IL21: variants seen among roughly 807,000 people sequenced by gnomAD.
IL21 encodes interleukin 21, also known as interleukin-21.
IL21 carries 3 observed loss-of-function variants against 18.4 expected under a neutral mutation model. The observed-to-expected ratio is 0.16, with a 90% CI of 0.07 to 0.42. The LOEUF (loss-of-function observed/expected upper bound fraction) is 0.42. IL21 is among the 10% of genes least tolerant of loss of function. The pLI is 0.99. For synonymous variants in IL21, 37 were observed against 62.0 expected, an observed-to-expected ratio of 0.60 and a Z score of 1.90; for missense variants, 130 against 188.4, an observed-to-expected ratio of 0.69 and a Z score of 1.81.
At chr4:122,620,654 A>G in intron 2 of IL21, 47 bp downstream of exon 2, 1 of 1,530,650 alleles carries the variant, frequency 6.5e-7, no homozygotes, top group Non-Finnish European at 9.0e-7. Flanking sequence ...TTGGATTTAA[A>G]AACTTATGTC....
At position 122,615,715 on chromosome 4, in the gene IL21, G is replaced by A. The variant is rs1174882495; in HGVS notation, c.327C>T (p.Ser109=). 1.9e-6 allele frequency: 3 copies of A among 1,613,216 alleles called. No individual in the cohort carries two copies. Among genetic ancestry groups the A allele is most frequent in the African/African-American group, 1.3e-5 (1 of 74,854 alleles). ...SIKKLKRKPP[S]TNAGRRQKHR... ...GTTTCTGTCTTCTCCCTGCATTTGT[G>A]GAAGGTGGTTTCCTCTTCAGCTTTT... Residue 109 remains serine, a synonymous_variant, in exon 3 of 5, where the codon TCC becomes TCT. Coordinates refer to ENST00000648588, the MANE Select transcript of IL21 (RefSeq NM_021803.4).
At chr4:122,616,505 C>G (rs1384827528) in intron 2 of IL21, among the ~76,000 whole-genome samples, 2 of 152,148 alleles carry the variant, frequency 1.3e-5, no homozygotes, top group East Asian at 3.9e-4. Context: ...CCTTTTCATA[C>G]TCCCAGCTCA....
Position 122,612,690 on chromosome 4 carries a change from T to G in IL21, c.*20A>C. On this transcript the variant is annotated 3_prime_UTR_variant, in exon 5 of 5. Coordinates refer to ENST00000648588, the MANE Select transcript of IL21 (RefSeq NM_021803.4). ...CTATATTAGAGTATGTAACATAGTG[T>G]CCAACTGCAAGTTAGATCCTCAGGA... 1 of 1,529,342 alleles carries G rather than the reference T, an allele frequency of 6.5e-7. No homozygotes were observed. Among genetic ancestry groups the G allele is most frequent in the South Asian group, 1.1e-5 (1 of 89,324 alleles). 94.7% of individuals were successfully genotyped at this position (1,529,342 alleles called of 1,614,324 possible).
chr4:122,619,774 A>G (rs1799397371), intron 2 of IL21, among the ~76,000 whole-genome samples: 1 of 152,240 alleles, frequency 6.6e-6, no homozygotes. Flanking sequence ...GAGAAAAGCA[A>G]TAGTTGTGAC....
rs548224974 is a variant in IL21, at chr4:122,614,099, T to A, written c.361-1171A>T. The stretch of plus-strand genomic sequence containing the variant: ...GCATTTCACTAAAAGATAGTAGATA[T>A]ACGTTCTAATTCTCATTCTGACACT... On this transcript the variant is annotated intron_variant, in intron 3 of 4. Coordinates refer to ENST00000648588, the MANE Select transcript of IL21 (RefSeq NM_021803.4). Among the ~76,000 whole-genome samples, 13 of 152,354 alleles carry A rather than the reference T, an allele frequency of 8.5e-5. No homozygotes were observed. The East Asian group carries it at 2.5e-3, about 29-fold the overall frequency.
Position 122,610,867 on chromosome 4 carries a change from G to A in IL21, c.*1843C>T, listed in dbSNP as rs184148021. Among the ~76,000 whole-genome samples the A allele has an allele frequency of 5.3e-5, 8 of 152,184 alleles. No individual in the cohort carries two copies. The East Asian group carries it at 1.5e-3, about 29-fold the overall frequency. Reference sequence around the variant, plus strand: ...GCATTGCCTTTCCTGGAGTGCTGGTGGGTTTAACTCTGGTTAAACAGCAGA... The same window carrying A: ...GCATTGCCTTTCCTGGAGTGCTGGTAGGTTTAACTCTGGTTAAACAGCAGA... On this transcript the variant is annotated 3_prime_UTR_variant, in exon 5 of 5. Coordinates refer to ENST00000648588, the MANE Select transcript of IL21 (RefSeq NM_021803.4).
In IL21 at chr4:122,620,950, C is replaced by T. The variant is rs1799419559; in HGVS notation, c.62G>A (p.Gly21Glu). 6.2e-7 allele frequency: 1 copy of T among 1,613,720 alleles called. No individual in the cohort carries two copies. The change falls in exon 1 of 5, where the codon GGG becomes GAG. Residue 21 changes from glycine to glutamate, a missense_variant. Physicochemically the swap from Gly to Glu is moderately conservative, Grantham distance 98. Transcript: ENST00000648588. ...GGAGCTTGATTTGTGGACCAGTGTC[C>T]CCAAGAAGATGACCATCAGACAGAT... Reference protein sequence around the residue: ...IVICLMVIFLGTLVHKSSSQG... With the variant: ...IVICLMVIFLETLVHKSSSQG...
chr4:122,618,399 G>A (rs1799370044), intron 2 of IL21, among the ~76,000 whole-genome samples: 1 of 151,776 alleles, frequency 6.6e-6, no homozygotes, highest in Non-Finnish European at 1.5e-5. Context: ...TACAGGCATT[G>A]GGATTACAGG....
chr4:122,620,693 G>T lies in IL21; in HGVS notation c.204+8C>A, dbSNP rs770715052. The T allele has an allele frequency of 7.4e-6, 12 of 1,610,810 alleles. No individual in the cohort carries two copies. In the Admixed American group the frequency reaches 8.4e-5, roughly 11 times the overall value. On this transcript the variant is annotated splice_region_variant and intron_variant, in intron 2 of 4. Transcript: ENST00000648588. ...TGTATTTTCAGAAATAAATTCAACT[G>T]GTCTTACCTCTACATCTTCTGGAGC...
Position 122,610,217 on chromosome 4 carries a change from T to C in IL21, c.*2493A>G, listed in dbSNP as rs567406885. On this transcript the variant is annotated 3_prime_UTR_variant, in exon 5 of 5. Transcript: ENST00000648588. ...AATTATTAAGTTATAAACTACATAGTTCATATTAGCTAAATTCTCAGATGC... is the reference window on the plus strand; with the variant it reads ...AATTATTAAGTTATAAACTACATAGCTCATATTAGCTAAATTCTCAGATGC... Among the ~76,000 whole-genome samples, 11 of 152,276 alleles carry C rather than the reference T, an allele frequency of 7.2e-5. No homozygotes were observed. In the East Asian group the frequency reaches 7.7e-4, roughly 11 times the overall value.
intron 3 of IL21, among the ~76,000 whole-genome samples, chr4:122,615,470 G>A (rs6851081): frequency 0.094 from 14,276 of 151,596 alleles, 2,175 homozygotes; most frequent in African/African-American, 0.32. Flanking sequence ...GGATCTTGCG[G>A]TGAGCAGAGA....
intron 3 of IL21, 66 bp from the exon 4 acceptor site, chr4:122,612,994 A>AT (rs1799281587): frequency 2.7e-5 from 26 of 955,354 alleles, no homozygotes; most frequent in East Asian, 2.6e-4. Context: ...GTTTCTTAAA[A>AT]TTTTTTTTCA....
chr4:122,614,263 C>T (rs1799306898), intron 3 of IL21, among the ~76,000 whole-genome samples: 1 of 152,136 alleles, frequency 6.6e-6, no homozygotes, highest in South Asian at 2.1e-4. Context: ...ATATGTTCAG[C>T]TCCTTTCTTT....
In IL21 at chr4:122,618,589, G is replaced by A. The variant is rs556647531; in HGVS notation, c.204+2112C>T. ...TGGGAGGCCAAGGCAGGTGGATCAC[G>A]GGGTCAAGAGATTGAGACCATCCTG... On this transcript the variant is annotated intron_variant, in intron 2 of 4. Coordinates refer to ENST00000648588, the MANE Select transcript of IL21 (RefSeq NM_021803.4). 1.5e-3 allele frequency among the ~76,000 whole-genome samples: 231 copies of A among 152,082 alleles called. 1 individual carries two copies. The highest frequency in any genetic ancestry group is 5.0e-3 in the African/African-American group (207 of 41,514).
chr4:122,615,448 A>G (rs1799323230), intron 3 of IL21, among the ~76,000 whole-genome samples: 1 of 152,022 alleles, frequency 6.6e-6, no homozygotes, highest in African/African-American at 2.4e-5. Context: ...GAATGGCGTG[A>G]AACCGGGAGG....
chr4:122,612,367 A>G lies in IL21; in HGVS notation c.*343T>C, dbSNP rs554522820. ...GGTATATATGTTTTAAGTTATGATC[A>G]TAATAGACCTCATTCTGGTGGTAAT... On this transcript the variant is annotated 3_prime_UTR_variant, in exon 5 of 5. Coordinates refer to ENST00000648588, the MANE Select transcript of IL21 (RefSeq NM_021803.4). 6.6e-6 allele frequency among the ~76,000 whole-genome samples: 1 copy of G among 152,228 alleles called. No individual in the cohort carries two copies. The highest frequency in any genetic ancestry group is 1.9e-4 in the East Asian group (1 of 5,182).
Position 122,612,442 on chromosome 4 carries a change from G to C in IL21, c.*268C>G, listed in dbSNP as rs536636579. Among the ~76,000 whole-genome samples the C allele has an allele frequency of 1.6e-4, 25 of 152,108 alleles. No individual in the cohort carries two copies. The highest frequency in any genetic ancestry group is 5.5e-4 in the African/African-American group (23 of 41,514). Reference sequence around the variant, plus strand: ...AATAGATGTCAAAACTGTATTTTTGGTTAAAAATTTTAGCCTTCTCCTTCA... The same window carrying C: ...AATAGATGTCAAAACTGTATTTTTGCTTAAAAATTTTAGCCTTCTCCTTCA... On this transcript the variant is annotated 3_prime_UTR_variant, in exon 5 of 5. Transcript: ENST00000648588.
In IL21 at chr4:122,613,132, G is replaced by A. The variant is rs539048278; in HGVS notation, c.361-204C>T. ...AGGAATCCCACTGCAATGTTTTAATGTATATTCTCTCTGTGTTTTGGGTAT... is the reference window on the plus strand; with the variant it reads ...AGGAATCCCACTGCAATGTTTTAATATATATTCTCTCTGTGTTTTGGGTAT... On this transcript the variant is annotated intron_variant, in intron 3 of 4. Transcript: ENST00000648588. Among the ~76,000 whole-genome samples the A allele has an allele frequency of 1.6e-3, 249 of 151,684 alleles. 1 individual carries two copies. Among genetic ancestry groups the A allele is most frequent in the African/African-American group, 5.3e-3 (219 of 41,392 alleles).
At position 122,611,238 on chromosome 4, in the gene IL21, T is replaced by TA. The variant is rs1799260425; in HGVS notation, c.*1471dup. Among the ~76,000 whole-genome samples, 1 of 152,208 alleles carries TA rather than the reference T, an allele frequency of 6.6e-6. No individual in the cohort carries two copies. Among genetic ancestry groups the TA allele is most frequent in the Non-Finnish European group, 1.5e-5 (1 of 68,030 alleles). ...CATAATTCCTTTGTCATACATGTTC[T>TA]AAAATGTTAAAACAGAGTACCTTGT... On this transcript the variant is annotated 3_prime_UTR_variant, in exon 5 of 5. Transcript: ENST00000648588.
Sources: gnomAD v4.1 joint callset for allele counts (sites outside exome capture counted in the v4.1 genomes callset) on GRCh38, gnomAD v4.1.1 for gene constraint, MANE v1.5 for transcripts, NCBI Gene and HGNC (gene_info 2026-07-23, HGNC 2026-07-21) for gene names.